The following SPATA13 variants were observed in gnomAD, a reference collection of about 807,000 sequenced individuals.
The protein encoded by SPATA13 is spermatogenesis-associated protein 13.
A neutral mutation model predicts 104.0 loss-of-function variants in SPATA13; 50 were observed. The observed-to-expected ratio is 0.48, with a 90% CI of 0.38 to 0.61. The LOEUF is 0.61. Among genes scored for constraint, SPATA13 ranks in the 20% least tolerant of loss-of-function variants. SPATA13 has a pLI of 0.00. For missense variants in SPATA13, 1,524 were observed against 1,690.6 expected (o/e 0.90, Z 1.73); for synonymous variants, 606 against 667.5 (o/e 0.91, Z 1.42).
intron 3 of SPATA13, chr13:24,123,423 T>C: frequency 7.2e-7 from 1 of 1,379,556 alleles, no homozygotes; most frequent in Non-Finnish European, 1.0e-6. Flanking sequence ...GAGTACATGA[T>C]TCTGCAACAT....
Position 24,249,842 on chromosome 13 carries a change from A to G in SPATA13, c.2019A>G (p.Gln673=), listed in dbSNP as rs577514253. ...AGGAACTGGACAATCTTCTGACCCA[A>G]GTAAGATCTGGTGTGCACTTCCCCA... is the stretch of plus-strand genomic sequence containing the variant. The part of the protein sequence containing the change: ...QTEELDNLLT[Q]PASRPPMPAH... Residue 673 remains glutamine, a splice_region_variant and synonymous_variant, in exon 3 of 13, where the codon CAA becomes CAG. Coordinates refer to ENST00000382108, the MANE Select transcript of SPATA13 (RefSeq NM_001166271.3). The G allele has an allele frequency of 2.5e-5, 40 of 1,594,758 alleles. 1 individual carries two copies. Among genetic ancestry groups the G allele is most frequent in the South Asian group, 2.5e-4 (22 of 88,780 alleles).
At chr13:24,301,367 G>A (rs1877174169) in intron 12 of SPATA13, among the ~76,000 whole-genome samples, 1 of 152,138 alleles carries the variant, frequency 6.6e-6, no homozygotes, top group South Asian at 2.1e-4. Flanking sequence ...ACACTCCCCT[G>A]CTTTCTCCAT....
intron 3 of SPATA13, among the ~76,000 whole-genome samples, chr13:24,107,035 T>C (rs1880476192): frequency 6.7e-6 from 1 of 149,748 alleles, no homozygotes; most frequent in Admixed American, 6.7e-5. Flanking sequence ...AAGTACAACA[T>C]GAAAAGATGA....
chr13:24,128,503 G>A (rs1415260981), intron 3 of SPATA13, among the ~76,000 whole-genome samples: 1 of 152,134 alleles, frequency 6.6e-6, no homozygotes, highest in East Asian at 1.9e-4. Flanking sequence ...CATTAGGAAA[G>A]TGCATGGGTC....
chr13:24,160,245 TG>T (rs1307249085), upstream of SPATA13, among the ~76,000 whole-genome samples: 1 of 151,988 alleles, frequency 6.6e-6, no homozygotes, highest in Non-Finnish European at 1.5e-5. Flanking sequence ...GAACTATTTT[TG>T]TTTGTTTCTT....
At chr13:24,047,006 G>T (rs9318271) in intron 3 of SPATA13, among the ~76,000 whole-genome samples, 3 of 151,780 alleles carry the variant, frequency 2.0e-5, no homozygotes, top group Middle Eastern at 3.2e-3. Context: ...CTAGGTAGGG[G>T]TTTCATGGCT....
At chr13:24,003,085 A>G (rs1219298465) in intron 2 of SPATA13, among the ~76,000 whole-genome samples, 6 of 152,030 alleles carry the variant, frequency 3.9e-5, no homozygotes, top group Non-Finnish European at 8.8e-5. Context: ...GAACTACAGC[A>G]TTTGCCCTTT....
rs553683833 is a variant in SPATA13, at chr13:24,115,502, G to C, written c.-112+97801G>C. 2.6e-3 allele frequency among the ~76,000 whole-genome samples: 395 copies of C among 152,352 alleles called. 4 individuals carry two copies. Among genetic ancestry groups the C allele is most frequent in the African/African-American group, 9.3e-3 (388 of 41,578 alleles). On this transcript the variant is annotated intron_variant, in intron 3 of 14. Transcript: ENST00000424834. ...CGCGCATGCGAAGGATGTACGTTGCGTGCTCCTTATGAGAATCTAACTAAT... is the reference window on the plus strand; with the variant it reads ...CGCGCATGCGAAGGATGTACGTTGCCTGCTCCTTATGAGAATCTAACTAAT...
chr13:24,209,576 G>A (rs1029834114), intron 1 of SPATA13, among the ~76,000 whole-genome samples: 1 of 152,162 alleles, frequency 6.6e-6, no homozygotes, highest in Non-Finnish European at 1.5e-5. Context: ...AGCTTTATCA[G>A]TGTTGCTGCA....
At chr13:24,144,088 C>G (rs1293022554) in intron 3 of SPATA13, among the ~76,000 whole-genome samples, 1 of 152,130 alleles carries the variant, frequency 6.6e-6, no homozygotes, top group Non-Finnish European at 1.5e-5. Flanking sequence ...GCTGAATGTG[C>G]ACTAACTCAG....
chr13:24,164,650 T>C lies in SPATA13; in HGVS notation c.-112+3718T>C, dbSNP rs565959669. 2.1e-3 allele frequency among the ~76,000 whole-genome samples: 324 copies of C among 152,322 alleles called. 2 individuals carry two copies. Among genetic ancestry groups the C allele is most frequent in the African/African-American group, 7.5e-3 (313 of 41,554 alleles). On this transcript the variant is annotated intron_variant, in intron 1 of 12. Transcript: ENST00000382108. ...AAATGAGATGGAGGTTCAGGGAAGC[T>C]GTCGTGGCCAGAGCCCCATAGTAAG... is the stretch of plus-strand genomic sequence containing the variant.
intron 10 of SPATA13, among the ~76,000 whole-genome samples, chr13:24,297,009 G>A (rs1566201745): frequency 1.3e-5 from 2 of 151,980 alleles, no homozygotes; most frequent in Non-Finnish European, 2.9e-5. Context: ...TTGGGAGTTT[G>A]TTTTTGTTGT....
At chr13:24,194,014 C>T (rs920201863) in intron 1 of SPATA13, among the ~76,000 whole-genome samples, 1 of 152,212 alleles carries the variant, frequency 6.6e-6, no homozygotes, top group African/African-American at 2.4e-5. Flanking sequence ...CTTACCTTCT[C>T]AACCATTCAA....
In SPATA13 at chr13:24,226,015, A is replaced by C. The variant is rs79326019; in HGVS notation, c.1653+1433A>C. Among the ~76,000 whole-genome samples the C allele has an allele frequency of 7.9e-3, 1,196 of 152,282 alleles. 14 individuals are homozygous for C. The highest frequency in any genetic ancestry group is 0.026 in the African/African-American group (1,092 of 41,554). On this transcript the variant is annotated intron_variant, in intron 2 of 12. Transcript: ENST00000382108. The stretch of plus-strand genomic sequence containing the variant: ...ACTCTCAGCCCATAGGAGACCTGGA[A>C]TGTGTTGCTCCTCTCTGCAGGCAGG...
At chr13:24,012,898 G>A (rs1876539892) in intron 2 of SPATA13, among the ~76,000 whole-genome samples, 1 of 152,166 alleles carries the variant, frequency 6.6e-6, no homozygotes, top group Non-Finnish European at 1.5e-5. Flanking sequence ...CCTGTGGCTG[G>A]CACTCCCCAG....
rs1334588705 is a variant in SPATA13, at chr13:24,300,396, T to C, written c.3584-5T>C. On this transcript the variant is annotated splice_region_variant and splice_polypyrimidine_tract_variant and intron_variant, in intron 11 of 12. Transcript: ENST00000382108. ...AATATATATCACATTTATTTCTAAA[T>C]GCAGGAATGGAAATTTCAGAAAACC... 1.2e-6 allele frequency: 2 copies of C among 1,612,184 alleles called. No homozygotes were observed. Among genetic ancestry groups the C allele is most frequent in the Middle Eastern group, 1.7e-4 (1 of 6,056 alleles).
intron 12 of SPATA13, 122 bp from the exon 13 acceptor site, chr13:24,302,459 CAAAAAAAAAAAAAAAAA>C (rs71070678): frequency 1.2e-4 from 24 of 194,058 alleles, no homozygotes; most frequent in Non-Finnish European, 1.7e-4. Flanking sequence ...GACCCTGTCT[CAAAAAAAAAAAAAAAAA>C]AAAAAAAAAA....
intron 3 of SPATA13, among the ~76,000 whole-genome samples, chr13:24,065,789 A>G (rs1271054732): frequency 6.6e-6 from 1 of 152,344 alleles, no homozygotes; most frequent in Admixed American, 6.5e-5. Context: ...TTCTTTCGAC[A>G]ATGCTGTGAG....
intron 1 of SPATA13, among the ~76,000 whole-genome samples, chr13:24,195,497 C>G (rs1455973153): frequency 1.3e-5 from 2 of 152,024 alleles, no homozygotes; most frequent in African/African-American, 4.8e-5. Flanking sequence ...TCATATAACT[C>G]TATGTTTCAT....
Sources: allele counts gnomAD v4.1 joint callset (sites outside exome capture counted in the v4.1 genomes callset), GRCh38; gene constraint gnomAD v4.1.1; transcripts MANE v1.5; gene names NCBI Gene and HGNC (gene_info 2026-07-23, HGNC 2026-07-21).